Variants in GPR89A observed in about 807,000 individuals in gnomAD.
GPR89A encodes the protein golgi pH regulator A, also known as G protein-coupled receptor 89A.
In GPR89A, 16 loss-of-function variants were observed where a neutral mutation model predicts 52.0. The observed-to-expected ratio is 0.31, with a 90% CI of 0.21 to 0.47. GPR89A has a LOEUF of 0.47. Among genes scored for constraint, GPR89A ranks in the 20% least tolerant of loss-of-function variants. GPR89A has a pLI of 1.00. For synonymous variants in GPR89A, 55 were observed against 150.9 expected, an observed-to-expected ratio of 0.36 and a Z score of 4.66; for missense variants, 135 against 449.4, an observed-to-expected ratio of 0.30 and a Z score of 6.33.
intron 1 of GPR89A, among the ~76,000 whole-genome samples, chr1:145,613,348 CA>C (rs1442605003): frequency 4.6e-5 from 7 of 151,772 alleles, no homozygotes; most frequent in African/African-American, 1.5e-4. Flanking sequence ...CCTCTTCTGT[CA>C]CCAAATGTCT....
chr1:145,668,572 C>A (rs1277392999), intron 12 of GPR89A, among the ~76,000 whole-genome samples: 1 of 152,040 alleles, frequency 6.6e-6, no homozygotes. Context: ...TTTCTTTCTC[C>A]TGCCTGATTG....
At chr1:145,653,076 G>T (rs587673526) in intron 10 of GPR89A, among the ~76,000 whole-genome samples, 1 of 148,532 alleles carries the variant, frequency 6.7e-6, no homozygotes, top group African/African-American at 2.5e-5. Flanking sequence ...TTAGGGTGTC[G>T]ATTTGAGATC....
chr1:145,666,858 C>G (rs1305397834), intron 12 of GPR89A, among the ~76,000 whole-genome samples: 5 of 152,024 alleles, frequency 3.3e-5, no homozygotes, highest in Non-Finnish European at 7.4e-5. Context: ...CCAGCTTCAT[C>G]CATGTCCCTA....
At chr1:145,639,357 C>T (rs1650471968) in intron 7 of GPR89A, among the ~76,000 whole-genome samples, 2 of 151,988 alleles carry the variant, frequency 1.3e-5, no homozygotes, top group Non-Finnish European at 2.9e-5. Context: ...GAGAGGAATT[C>T]CTCTACCTGA....
intron 7 of GPR89A, among the ~76,000 whole-genome samples, chr1:145,639,525 T>C (rs1553691336): frequency 6.6e-6 from 1 of 151,282 alleles, no homozygotes. Context: ...GGCAGGTAGA[T>C]CACCTGAGGT....
At chr1:145,646,109 C>T (rs2624754) in intron 8 of GPR89A, 75 bp from the exon 9 acceptor site, 1 of 1,612,844 alleles carries the variant, frequency 6.2e-7, no homozygotes, top group South Asian at 1.1e-5. Flanking sequence ...TAGGAAAAAC[C>T]AAAAGTATAT....
intron 13 of GPR89A, 43 bp from the exon 14 acceptor site, chr1:145,669,791 C>CTG (rs1652853280): frequency 8.0e-7 from 1 of 1,253,528 alleles, no homozygotes; most frequent in Non-Finnish European, 1.2e-6. Context: ...CTGTTCCTCA[C>CTG]TACATTCAGA....
intron 3 of GPR89A, among the ~76,000 whole-genome samples, chr1:145,619,294 T>A: frequency 9.1e-6 from 1 of 109,916 alleles, no homozygotes; most frequent in African/African-American, 3.7e-5. Flanking sequence ...TCACAAAACA[T>A]TGAAAGGTTA....
At chr1:145,656,533 G>A (rs1651820881) in intron 10 of GPR89A, among the ~76,000 whole-genome samples, 1 of 152,170 alleles carries the variant, frequency 6.6e-6, no homozygotes, top group African/African-American at 2.4e-5. Context: ...CAGCCTGAAA[G>A]TGCAACATTC....
intron 1 of GPR89A, among the ~76,000 whole-genome samples, chr1:145,612,805 C>T (rs1648393775): frequency 1.3e-5 from 2 of 152,202 alleles, no homozygotes; most frequent in African/African-American, 4.8e-5. Context: ...TCCCTTTATT[C>T]CACATTCTTC....
At chr1:145,635,109 T>G (rs2101780510) in intron 7 of GPR89A, among the ~76,000 whole-genome samples, 1 of 152,254 alleles carries the variant, frequency 6.6e-6, no homozygotes, top group Non-Finnish European at 1.5e-5. Context: ...ATGTAAGAGA[T>G]AACATTAGAC....
intron 10 of GPR89A, among the ~76,000 whole-genome samples, chr1:145,657,727 C>G (rs1651906248): frequency 6.7e-6 from 1 of 148,964 alleles, no homozygotes; most frequent in Non-Finnish European, 1.5e-5. Context: ...CAATTTGGGT[C>G]TCAAGGAATT....
intron 10 of GPR89A, among the ~76,000 whole-genome samples, chr1:145,649,421 T>C (rs1329627856): frequency 2.8e-4 from 43 of 151,952 alleles, no homozygotes; most frequent in African/African-American, 1.0e-3. Flanking sequence ...TCTGTCTGGC[T>C]TATTTTACTC....
intron 10 of GPR89A, among the ~76,000 whole-genome samples, chr1:145,649,324 G>A (rs1340975225): frequency 3.3e-5 from 5 of 152,070 alleles, no homozygotes; most frequent in Admixed American, 2.0e-4. Flanking sequence ...GTCCCCAGAC[G>A]ACTGCCAATC....
intron 5 of GPR89A, among the ~76,000 whole-genome samples, chr1:145,624,884 G>A (rs1649386769): frequency 7.1e-6 from 1 of 141,498 alleles, no homozygotes; most frequent in Admixed American, 7.2e-5. Flanking sequence ...GTGAAACCTA[G>A]GTAATATTTA....
chr1:145,661,866 C>A lies in GPR89A; in HGVS notation c.910-1463C>A, dbSNP rs374544771. Among the ~76,000 whole-genome samples, 509 of 148,168 alleles carry A rather than the reference C, an allele frequency of 3.4e-3. 2 individuals are homozygous for A. Among genetic ancestry groups the A allele is most frequent in the Middle Eastern group, 6.8e-3 (2 of 294 alleles). On this transcript the variant is annotated intron_variant, in intron 10 of 13. Transcript: ENST00000313835. ...TTTCTCATTCAATTCAAAATGCTTT[C>A]GAGTTTCCCTTTGATTTCTTCTTTG...
chr1:145,614,886 CA>C (rs1648553430), intron 1 of GPR89A, among the ~76,000 whole-genome samples: 1 of 151,824 alleles, frequency 6.6e-6, no homozygotes, highest in African/African-American at 2.4e-5. Flanking sequence ...AAAGAAGTTC[CA>C]GGGGGCTGAA....
intron 3 of GPR89A, among the ~76,000 whole-genome samples, chr1:145,620,316 T>C (rs1649054069): frequency 6.6e-6 from 1 of 152,132 alleles, no homozygotes; most frequent in South Asian, 2.1e-4. Flanking sequence ...ATGGCCATGC[T>C]CCAATAAACT....
At chr1:145,656,038 C>G (rs1438645446) in intron 10 of GPR89A, among the ~76,000 whole-genome samples, 1 of 152,018 alleles carries the variant, frequency 6.6e-6, no homozygotes, top group Non-Finnish European at 1.5e-5. Context: ...GGATCCGAGT[C>G]CCACCTAAAG....
Sources: allele counts gnomAD v4.1 joint callset (sites outside exome capture counted in the v4.1 genomes callset), GRCh38; gene constraint gnomAD v4.1.1; transcripts MANE v1.5; gene names NCBI Gene and HGNC (gene_info 2026-07-23, HGNC 2026-07-21).